CNTN5: variants seen among roughly 807,000 people sequenced by gnomAD.
CNTN5 encodes contactin-5.
A neutral mutation model predicts 129.1 loss-of-function variants in CNTN5; 77 were observed. The ratio of observed to expected loss-of-function variants is 0.60; its 90% CI spans 0.50 to 0.72. The LOEUF (loss-of-function observed/expected upper bound fraction) is 0.72. Among genes scored for constraint, CNTN5 ranks in the 30% least tolerant of loss-of-function variants. CNTN5 has a pLI of 0.00. For synonymous variants in CNTN5, 509 were observed against 465.6 expected, an observed-to-expected ratio of 1.09 and a Z score of -1.20; for missense variants, 1,478 against 1,328.8, an observed-to-expected ratio of 1.11 and a Z score of -1.75.
At chr11:99,413,187 CG>C (rs1340506696) in intron 2 of CNTN5, among the ~76,000 whole-genome samples, 1 of 151,954 alleles carries the variant, frequency 6.6e-6, no homozygotes, top group Non-Finnish European at 1.5e-5. Context: ...CAAGTATTAA[CG>C]GGGAAGGTAT....
chr11:100,020,035 A>T (rs932989653), intron 9 of CNTN5, among the ~76,000 whole-genome samples: 1 of 151,906 alleles, frequency 6.6e-6, no homozygotes, highest in Non-Finnish European at 1.5e-5. Flanking sequence ...TTGGATATTA[A>T]ATCTTTATCA....
At chr11:100,148,004 T>C (rs967725564) in intron 13 of CNTN5, among the ~76,000 whole-genome samples, 2 of 152,158 alleles carry the variant, frequency 1.3e-5, no homozygotes, top group African/African-American at 2.4e-5. Context: ...CATTTCTAAA[T>C]TACACTTAAC....
At chr11:100,010,040 G>A (rs77203198) in intron 9 of CNTN5, among the ~76,000 whole-genome samples, 59 of 152,216 alleles carry the variant, frequency 3.9e-4, no homozygotes, top group African/African-American at 1.3e-3. Flanking sequence ...TTCCAAGGTC[G>A]GCTTTTAAAC....
intron 1 of CNTN5, among the ~76,000 whole-genome samples, chr11:99,170,268 A>G (rs1861082793): frequency 6.6e-6 from 1 of 152,132 alleles, no homozygotes; most frequent in South Asian, 2.1e-4. Context: ...GATCAAGAAA[A>G]TGAGGCTCAG....
chr11:99,570,767 G>T (rs1279457678), intron 3 of CNTN5, among the ~76,000 whole-genome samples: 1 of 152,080 alleles, frequency 6.6e-6, no homozygotes, highest in Non-Finnish European at 1.5e-5. Flanking sequence ...GAAATTAAAT[G>T]GAATAAAATG....
At chr11:99,239,457 G>A (rs919104334) in intron 1 of CNTN5, among the ~76,000 whole-genome samples, 5 of 152,140 alleles carry the variant, frequency 3.3e-5, no homozygotes, top group African/African-American at 4.8e-5. Context: ...CATATTAGGC[G>A]ACCTCTGTTT....
rs1949338238 is a variant in CNTN5, at chr11:100,224,805, T to C, written c.1998T>C (p.Leu666=). Reference sequence around the variant, plus strand: ...GTGTGTCAGATGAGGCAGAACTTCTTGTTAGGGGTGAGTATGCTAATAGTG... The same window carrying C: ...GTGTGTCAGATGAGGCAGAACTTCTCGTTAGGGGTGAGTATGCTAATAGTG... The part of the protein sequence containing the change: ...ADSVSDEAEL[L]VRGPPGPPGI... The change falls in exon 16 of 25, where the codon CTT becomes CTC. Residue 666 remains leucine (L), a synonymous_variant. Coordinates refer to ENST00000524871, the MANE Select transcript of CNTN5 (RefSeq NM_014361.4). The C allele has an allele frequency of 1.2e-6, 2 of 1,613,034 alleles. No individual in the cohort carries two copies. The highest frequency in any genetic ancestry group is 4.5e-5 in the East Asian group (2 of 44,864).
intron 3 of CNTN5, among the ~76,000 whole-genome samples, chr11:99,779,695 ATAAG>A (rs1485004623): frequency 2.0e-5 from 3 of 152,064 alleles, no homozygotes; most frequent in Admixed American, 1.3e-4. Context: ...CATTGAAAGA[ATAAG>A]TAACTTAAAA....
chr11:99,112,922 T>C (rs1857868135), intron 1 of CNTN5, among the ~76,000 whole-genome samples: 1 of 151,974 alleles, frequency 6.6e-6, no homozygotes, highest in Non-Finnish European at 1.5e-5. Flanking sequence ...TTAATTTGAA[T>C]AGGATTGTAC....
intron 1 of CNTN5, among the ~76,000 whole-genome samples, chr11:99,289,991 GATA>G (rs1184487478): frequency 6.6e-6 from 1 of 151,628 alleles, no homozygotes; most frequent in Non-Finnish European, 1.5e-5. Flanking sequence ...TAATCATATT[GATA>G]ATATTCCTTT....
At chr11:100,181,503 G>T (rs1565319896) in intron 13 of CNTN5, among the ~76,000 whole-genome samples, 1 of 151,958 alleles carries the variant, frequency 6.6e-6, no homozygotes, top group Admixed American at 6.6e-5. Flanking sequence ...TATTTTTATT[G>T]TGGTGGTAGA....
chr11:99,918,904 C>T (rs752019839), intron 7 of CNTN5, among the ~76,000 whole-genome samples: 5 of 152,096 alleles, frequency 3.3e-5, no homozygotes, highest in African/African-American at 1.2e-4. Context: ...CCCCTCCCAT[C>T]GCAACAGCTT....
intron 1 of CNTN5, among the ~76,000 whole-genome samples, chr11:99,319,305 A>G (rs555555154): frequency 2.6e-5 from 4 of 152,172 alleles, no homozygotes; most frequent in East Asian, 3.9e-4. Context: ...GGCCAACCAC[A>G]TGACTCAACT....
At chr11:99,486,151 G>A (rs1019555941) in intron 2 of CNTN5, among the ~76,000 whole-genome samples, 1 of 151,920 alleles carries the variant, frequency 6.6e-6, no homozygotes, top group Admixed American at 6.6e-5. Flanking sequence ...GTACAATTCA[G>A]TTAATAGTAT....
rs1217471538 is a variant in CNTN5, at chr11:99,958,721, AT to A, written c.877+1715del. The stretch of plus-strand genomic sequence containing the variant: ...GCTTTGAATTAATTCTCTATAAGCT[AT>A]TTCTCCAAAACTTCTGAGCCCCTTT... On this transcript the variant is annotated intron_variant, in intron 8 of 24. Coordinates refer to ENST00000524871, the MANE Select transcript of CNTN5 (RefSeq NM_014361.4). Among the ~76,000 whole-genome samples the A allele has an allele frequency of 2.6e-5, 4 of 152,204 alleles. No homozygotes were observed. In the East Asian group the frequency reaches 7.7e-4, roughly 29 times the overall value.
chr11:100,086,554 GTA>G (rs1944566305), intron 13 of CNTN5, among the ~76,000 whole-genome samples: 1 of 150,694 alleles, frequency 6.6e-6, no homozygotes, highest in Non-Finnish European at 1.5e-5. Flanking sequence ...CCATATATAT[GTA>G]TGTGTGTGTG....
chr11:99,454,696 T>G (rs1217668017), intron 2 of CNTN5, among the ~76,000 whole-genome samples: 1 of 152,186 alleles, frequency 6.6e-6, no homozygotes, highest in Non-Finnish European at 1.5e-5. Context: ...CAATTCTTTA[T>G]AGCAGTGTGA....
At chr11:99,029,866 C>A (rs529755149) in intron 1 of CNTN5, among the ~76,000 whole-genome samples, 6 of 152,220 alleles carry the variant, frequency 3.9e-5, no homozygotes, top group African/African-American at 1.4e-4. Context: ...ATTTCTCAAT[C>A]AAAAGAATTA....
chr11:100,294,803 C>T (rs1419851241), intron 18 of CNTN5, among the ~76,000 whole-genome samples: 2 of 151,518 alleles, frequency 1.3e-5, no homozygotes, highest in Admixed American at 6.6e-5. Context: ...CCCTTCAGAT[C>T]AGGAATATGT....
Sources: gnomAD v4.1 joint callset for allele counts (sites outside exome capture counted in the v4.1 genomes callset) on GRCh38, gnomAD v4.1.1 for gene constraint, MANE v1.5 for transcripts, NCBI Gene and HGNC (gene_info 2026-07-23, HGNC 2026-07-21) for gene names.